ASTN1: variants seen among roughly 807,000 people sequenced by gnomAD.
ASTN1 encodes astrotactin-1.
A neutral mutation model predicts 140.7 loss-of-function variants in ASTN1; 41 were observed. The ratio of observed to expected loss-of-function variants is 0.29; its 90% CI spans 0.23 to 0.38. The LOEUF (loss-of-function observed/expected upper bound fraction) is 0.38. Ranked by LOEUF, ASTN1 falls within the 10% of genes least tolerant of loss-of-function variation. The probability of loss-of-function intolerance (pLI) is 1.00; values close to 1 mark genes in which losing one functional copy is unlikely to be tolerated. For synonymous variants in ASTN1, 640 were observed against 652.2 expected (o/e 0.98, Z 0.29); for missense variants, 1,479 against 1,678.8 (o/e 0.88, Z 2.08).
At chr1:177,158,201 G>A (rs1370285346) in intron 1 of ASTN1, among the ~76,000 whole-genome samples, 1 of 152,126 alleles carries the variant, frequency 6.6e-6, no homozygotes, top group Non-Finnish European at 1.5e-5. Context: ...CAATTTGATT[G>A]TTTGTTCCTT....
At chr1:177,001,424 T>C (rs1312253827) in intron 8 of ASTN1, among the ~76,000 whole-genome samples, 1 of 152,242 alleles carries the variant, frequency 6.6e-6, no homozygotes, top group Non-Finnish European at 1.5e-5. Flanking sequence ...ACATACTTCA[T>C]GTAATATTAT....
chr1:177,139,781 G>T (rs1002134660), intron 1 of ASTN1, among the ~76,000 whole-genome samples: 1 of 151,856 alleles, frequency 6.6e-6, no homozygotes, highest in Non-Finnish European at 1.5e-5. Flanking sequence ...TCTTCCAGGG[G>T]CCCCACAGAG....
At chr1:177,106,658 C>A (rs928202358) in intron 1 of ASTN1, among the ~76,000 whole-genome samples, 20 of 152,156 alleles carry the variant, frequency 1.3e-4, no homozygotes, top group African/African-American at 4.3e-4. Flanking sequence ...CCTCACCCTG[C>A]CAAAAGGAGG....
chr1:176,894,714 G>A lies in ASTN1; in HGVS notation c.2788C>T (p.Arg930Cys), dbSNP rs147140947. 3.2e-5 allele frequency: 52 copies of A among 1,614,014 alleles called. No homozygotes were observed. The highest frequency in any genetic ancestry group is 1.6e-4 in the Middle Eastern group (1 of 6,084). ...SGTKHMAAGVRMECHSKGRCP... is the reference protein window; with the variant it reads ...SGTKHMAAGVCMECHSKGRCP... ...CGTCCCTTGCTGTGGCACTCCATGCGGACTCCAGCCGCCATGTGCTTGGTG... is the reference window on the plus strand; with the variant it reads ...CGTCCCTTGCTGTGGCACTCCATGCAGACTCCAGCCGCCATGTGCTTGGTG... Residue 930 changes from arginine to cysteine, a missense_variant, in exon 17 of 23, where the codon CGC becomes TGC. Arg to Cys is a radical substitution (Grantham distance 180). This residue lies in a region of ASTN1 where 746 missense variants were observed against 800.9 expected (regional missense o/e 0.93). Coordinates refer to ENST00000361833, the MANE Select transcript of ASTN1 (RefSeq NM_004319.3).
rs1001386894 is a variant in ASTN1, at chr1:176,862,097, T to G, written c.*2187A>C. The stretch of plus-strand genomic sequence containing the variant: ...AAGAGATGCTCTGGGCCCTGTCTGA[T>G]TGGCCTGTCACATCTTCTCTGGCAA... On this transcript the variant is annotated 3_prime_UTR_variant, in exon 23 of 23. Transcript: ENST00000361833. 1.0e-6 allele frequency: 1 copy of G among 985,340 alleles called. No homozygotes were observed. Among genetic ancestry groups the G allele is most frequent in the South Asian group, 4.7e-5 (1 of 21,294 alleles). The allele number at this position is 985,340 out of a possible 1,614,324, so 61.0% of individuals were successfully genotyped here. A position where few individuals can be genotyped will look rare whatever the true frequency, so the allele number is the denominator to read the frequency against.
At chr1:176,874,944 C>T (rs992819655) in intron 21 of ASTN1, among the ~76,000 whole-genome samples, 3 of 152,126 alleles carry the variant, frequency 2.0e-5, no homozygotes, top group Admixed American at 1.3e-4. Context: ...CATGCTGCCT[C>T]CCAGGTGTTA....
rs71129590 is a variant in ASTN1 at position 176,942,836 on chromosome 1, G to GTA, written c.2377+1053_2377+1054dup. Among the ~76,000 whole-genome samples the GTA allele has an allele frequency of 2.6e-4, 13 of 50,290 alleles. 2 individuals carry two copies. The highest frequency in any genetic ancestry group is 4.2e-4 in the Non-Finnish European group (12 of 28,816). The allele number at this position is 50,290 out of a possible 152,430, so 33.0% of individuals were successfully genotyped here. A position where few individuals can be genotyped will look rare whatever the true frequency, so the allele number is the denominator to read the frequency against. On this transcript the variant is annotated intron_variant, in intron 14 of 22. Transcript: ENST00000361833. The stretch of plus-strand genomic sequence containing the variant: ...TGTGTGTGTGTATATATATATATAT[G>GTA]TATATATATATATATATATATATAT...
At chr1:177,100,831 G>C (rs537982897) in intron 1 of ASTN1, among the ~76,000 whole-genome samples, 1 of 152,134 alleles carries the variant, frequency 6.6e-6, no homozygotes. Context: ...GGTGGCTCGT[G>C]CCTGTAATCT....
At chr1:176,928,579 G>A (rs1005300892) in intron 16 of ASTN1, among the ~76,000 whole-genome samples, 1 of 152,128 alleles carries the variant, frequency 6.6e-6, no homozygotes, top group Non-Finnish European at 1.5e-5. Context: ...GCTAGCTCTT[G>A]CAGAGTAGGA....
intron 1 of ASTN1, among the ~76,000 whole-genome samples, chr1:177,061,802 G>A (rs1201966662): frequency 1.3e-5 from 2 of 152,210 alleles, no homozygotes; most frequent in Non-Finnish European, 2.9e-5. Context: ...ATCACTTGCT[G>A]CATAGTCCAC....
At chr1:176,935,271 G>A (rs544399556) in intron 15 of ASTN1, among the ~76,000 whole-genome samples, 5 of 152,294 alleles carry the variant, frequency 3.3e-5, no homozygotes, top group Admixed American at 2.0e-4. Context: ...GACTTTGGAC[G>A]GCATGTGGCA....
intron 1 of ASTN1, among the ~76,000 whole-genome samples, chr1:177,100,166 A>C (rs574389507): frequency 1.3e-5 from 2 of 152,286 alleles, no homozygotes; most frequent in East Asian, 3.9e-4. Flanking sequence ...GATAATAAAA[A>C]ATTAGTTAAT....
chr1:176,984,053 G>T (rs1481682980), intron 8 of ASTN1, among the ~76,000 whole-genome samples: 1 of 152,206 alleles, frequency 6.6e-6, no homozygotes, highest in Non-Finnish European at 1.5e-5. Context: ...TCCAGTGATT[G>T]TAACAGCCCA....
At chr1:177,019,672 C>T (rs931597785) in intron 7 of ASTN1, among the ~76,000 whole-genome samples, 1 of 152,118 alleles carries the variant, frequency 6.6e-6, no homozygotes, top group South Asian at 2.1e-4. Context: ...GCTGAGTGCT[C>T]TAGGTATATT....
At chr1:176,948,766 AC>A (rs1044076520) in intron 12 of ASTN1, among the ~76,000 whole-genome samples, 4 of 141,972 alleles carry the variant, frequency 2.8e-5, no homozygotes, top group African/African-American at 1.1e-4. Flanking sequence ...TCCAAAGACC[AC>A]CCCCCTTTTT....
At chr1:177,144,251 T>C (rs896038781) in intron 1 of ASTN1, among the ~76,000 whole-genome samples, 1 of 150,340 alleles carries the variant, frequency 6.7e-6, no homozygotes, top group Non-Finnish European at 1.5e-5. Context: ...TGGAACTCAA[T>C]GATTTTTTTT....
intron 8 of ASTN1, among the ~76,000 whole-genome samples, chr1:177,001,593 C>G (rs547250236): frequency 6.6e-6 from 1 of 152,216 alleles, no homozygotes; most frequent in South Asian, 2.1e-4. Flanking sequence ...GATTTGAATC[C>G]AAGTCCATCT....
intron 20 of ASTN1, 126 bp downstream of exon 20, chr1:176,882,733 A>G (rs1668857516): frequency 1.5e-6 from 2 of 1,335,676 alleles, no homozygotes; most frequent in African/African-American, 2.9e-5. Context: ...GCCACCTGGG[A>G]TAAGACTTCA....
At chr1:177,031,006 G>A in intron 3 of ASTN1, 54 bp from the exon 4 acceptor site, 1 of 1,555,520 alleles carries the variant, frequency 6.4e-7, no homozygotes, top group Non-Finnish European at 8.8e-7. Context: ...CAAAAGAAAG[G>A]GAGAAGAAGG....
Sources: allele counts gnomAD v4.1 joint callset (sites outside exome capture counted in the v4.1 genomes callset), GRCh38; gene constraint gnomAD v4.1.1; regional missense constraint gnomAD v4.1.1; transcripts MANE v1.5; gene names NCBI Gene and HGNC (gene_info 2026-07-23, HGNC 2026-07-21).